Variants in CDK13 observed in about 807,000 individuals in gnomAD.
CDK13 encodes the protein cyclin dependent kinase 13.
Under a neutral mutation model 137.6 loss-of-function variants are expected in CDK13, and 40 were observed. That is an observed-to-expected ratio of 0.29 (90% CI 0.23 to 0.38). CDK13 has a LOEUF of 0.38. CDK13 is among the 10% of genes least tolerant of loss of function. The pLI is 1.00. For synonymous variants in CDK13, 869 were observed against 760.1 expected (o/e 1.14, Z -2.36); for missense variants, 1,704 against 1,951.8 (o/e 0.87, Z 2.39).
rs566150542 is a variant in CDK13 at position 40,081,779 on chromosome 7, A to G, written c.3029+2928A>G. Among the ~76,000 whole-genome samples the G allele has an allele frequency of 5.3e-5, 8 of 152,064 alleles. No homozygotes were observed. In the South Asian group the frequency reaches 1.7e-3, roughly 32 times the overall value. On this transcript the variant is annotated intron_variant, in intron 11 of 13. Coordinates refer to ENST00000181839, the MANE Select transcript of CDK13 (RefSeq NM_003718.5). ...AGGCATGCGCTACCACGCCCGGCTA[A>G]TTTTGTATTTTTAGTAGAGACAGGG...
At chr7:40,035,513 A>G (rs143970883) in intron 5 of CDK13, among the ~76,000 whole-genome samples, 1 of 152,168 alleles carries the variant, frequency 6.6e-6, no homozygotes, top group East Asian at 1.9e-4. Context: ...TAGGAGCACA[A>G]ACCCTATTGT....
Position 40,012,824 on chromosome 7 carries a change from A to T in CDK13, c.2353+10793A>T, listed in dbSNP as rs895284032. Among the ~76,000 whole-genome samples, 8 of 151,894 alleles carry T rather than the reference A, an allele frequency of 5.3e-5. No individual in the cohort carries two copies. In the South Asian group the frequency reaches 1.7e-3, roughly 32 times the overall value. On this transcript the variant is annotated intron_variant, in intron 5 of 13. Transcript: ENST00000181839. ...CTACTTGGGAGGCTGAGGCAGGATA[A>T]TTACTTGAACCCGGGAGGCGGAGGT...
chr7:39,998,655 ACT>A (rs796160603), intron 3 of CDK13: 3 of 151,174 alleles, frequency 2.0e-5, no homozygotes, highest in Non-Finnish European at 4.4e-5. Flanking sequence ...GCTAAAAAAT[ACT>A]CTCTTCTTGA....
At chr7:40,043,831 C>CA (rs112749380) in intron 5 of CDK13, among the ~76,000 whole-genome samples, 5,893 of 97,558 alleles carry the variant, frequency 0.06, 331 homozygotes, top group African/African-American at 0.18. Context: ...GACCCTGTCT[C>CA]AAAAAAAAAA....
chr7:39,991,984 C>T (rs765864747), intron 2 of CDK13, among the ~76,000 whole-genome samples: 1 of 151,750 alleles, frequency 6.6e-6, no homozygotes, highest in Non-Finnish European at 1.5e-5. Flanking sequence ...CCCAAGAGGT[C>T]GAGGATGCAG....
chr7:40,077,653 A>G (rs1786575192), intron 9 of CDK13, among the ~76,000 whole-genome samples: 1 of 152,118 alleles, frequency 6.6e-6, no homozygotes, highest in African/African-American at 2.4e-5. Flanking sequence ...ACAGGGGTTC[A>G]AGACCAGCCT....
At chr7:39,957,851 A>C (rs865997063) in intron 1 of CDK13, among the ~76,000 whole-genome samples, 1 of 152,222 alleles carries the variant, frequency 6.6e-6, no homozygotes, top group Non-Finnish European at 1.5e-5. Context: ...GTTGGAAGTG[A>C]ATGTTGCTTA....
intron 9 of CDK13, among the ~76,000 whole-genome samples, chr7:40,068,276 A>C (rs756499839): frequency 5.9e-5 from 9 of 151,956 alleles, no homozygotes; most frequent in Non-Finnish European, 1.0e-4. Flanking sequence ...CTGAATGAAG[A>C]AATGGCAAAG....
At chr7:40,090,392 C>T (rs1016072804) in intron 12 of CDK13, among the ~76,000 whole-genome samples, 1 of 152,084 alleles carries the variant, frequency 6.6e-6, no homozygotes, top group Non-Finnish European at 1.5e-5. Flanking sequence ...CAGTCTCTGT[C>T]ACCCAGGCTG....
chr7:39,989,610 A>G (rs1038846292), intron 2 of CDK13, among the ~76,000 whole-genome samples: 1 of 152,114 alleles, frequency 6.6e-6, no homozygotes, highest in South Asian at 2.1e-4. Flanking sequence ...ATTTAATTAT[A>G]CTACTATAAT....
At chr7:40,088,908 C>T (rs1375032661) in intron 12 of CDK13, among the ~76,000 whole-genome samples, 2 of 151,910 alleles carry the variant, frequency 1.3e-5, no homozygotes, top group African/African-American at 2.4e-5. Flanking sequence ...CGCGAAACCC[C>T]GTCTCTACTA....
intron 5 of CDK13, among the ~76,000 whole-genome samples, chr7:40,012,107 T>C (rs1784907370): frequency 6.6e-6 from 1 of 152,106 alleles, no homozygotes; most frequent in South Asian, 2.1e-4. Context: ...TTAAGATGGC[T>C]ATTATAAAAA....
At chr7:40,043,977 A>C (rs1439768080) in intron 5 of CDK13, among the ~76,000 whole-genome samples, 1 of 150,206 alleles carries the variant, frequency 6.7e-6, no homozygotes, top group Non-Finnish European at 1.5e-5. Context: ...GCTCACTGCA[A>C]CCTCCACCTC....
chr7:40,061,598 T>C (rs1786150151), intron 7 of CDK13: 1 of 152,210 alleles, frequency 6.6e-6, no homozygotes, highest in Non-Finnish European at 1.5e-5. Flanking sequence ...ATACAGCCTT[T>C]CTGGGGAATT....
intron 5 of CDK13, among the ~76,000 whole-genome samples, chr7:40,024,416 TATAAAG>T (rs2150499325): frequency 6.6e-6 from 1 of 152,350 alleles, no homozygotes; most frequent in South Asian, 2.1e-4. Context: ...CTCGCCACTT[TATAAAG>T]ATAAGGACAG....
intron 5 of CDK13, among the ~76,000 whole-genome samples, chr7:40,028,005 T>TG (rs1462146046): frequency 7.2e-6 from 1 of 138,562 alleles, no homozygotes; most frequent in Non-Finnish European, 1.6e-5. Flanking sequence ...AAATTAACCT[T>TG]GTTTTTTTTT....
rs1787065934 is a variant in CDK13, at chr7:40,097,123, T to C, written c.*2143T>C. On this transcript the variant is annotated 3_prime_UTR_variant, in exon 14 of 14. Coordinates refer to ENST00000181839, the MANE Select transcript of CDK13 (RefSeq NM_003718.5). ...TGTGTTTTAAAAATTAAATATTTTA[T>C]ATAAAATTGAACTGTGTTTGGATAG... The C allele has an allele frequency of 6.6e-6, 1 of 152,144 alleles. No homozygotes were observed. The allele number at this position is 152,144 out of a possible 1,614,324, so 9.4% of individuals were successfully genotyped here.
chr7:39,973,264 G>A lies in CDK13; in HGVS notation c.1212-14335G>A, dbSNP rs531972606. ...CAATTTCCCTATCTTAGCCTCCTGAGCAGCTGGGACCACAGGTACACGCCA... is the reference window on the plus strand; with the variant it reads ...CAATTTCCCTATCTTAGCCTCCTGAACAGCTGGGACCACAGGTACACGCCA... On this transcript the variant is annotated intron_variant, in intron 1 of 13. Coordinates refer to ENST00000181839, the MANE Select transcript of CDK13 (RefSeq NM_003718.5). 7.9e-5 allele frequency among the ~76,000 whole-genome samples: 12 copies of A among 152,096 alleles called. 1 individual carries two copies. In the South Asian group the frequency reaches 2.5e-3, roughly 32 times the overall value.
At chr7:40,056,940 A>G (rs1475181829) in intron 7 of CDK13, among the ~76,000 whole-genome samples, 1 of 152,218 alleles carries the variant, frequency 6.6e-6, no homozygotes, top group African/African-American at 2.4e-5. Context: ...AGAAGTTTAT[A>G]TATGTATTTC....
Sources: allele counts gnomAD v4.1 joint callset (sites outside exome capture counted in the v4.1 genomes callset), GRCh38; gene constraint gnomAD v4.1.1; transcripts MANE v1.5; gene names NCBI Gene and HGNC (gene_info 2026-07-23, HGNC 2026-07-21).